MYH4: variants seen among roughly 807,000 people sequenced by gnomAD.
MYH4 encodes myosin heavy chain 4.
MYH4 carries 200 observed loss-of-function variants against 229.9 expected under a neutral mutation model. That is an observed-to-expected ratio of 0.87 (90% confidence interval 0.78 to 0.98). The LOEUF (loss-of-function observed/expected upper bound fraction) is 0.98, where lower values mean the gene tolerates loss of function less well. Ranked by LOEUF, MYH4 falls within the 50% of genes least tolerant of loss-of-function variation. The pLI, the probability that MYH4 is intolerant of heterozygous loss-of-function variation, is 0.00. For missense variants in MYH4, 2,148 were observed against 2,332.6 expected (o/e 0.92, Z 1.63); for synonymous variants, 761 against 834.6 (o/e 0.91, Z 1.52).
Position 10,450,506 on chromosome 17 carries a change from C to T in MYH4, c.4128G>A (p.Arg1376=), listed in dbSNP as rs757295488. The T allele has an allele frequency of 3.1e-6, 5 of 1,614,110 alleles. No homozygotes were observed. Among genetic ancestry groups the T allele is most frequent in the East Asian group, 4.5e-5 (2 of 44,888 alleles). Residue 1376 remains arginine (R), a synonymous_variant, in exon 30 of 40, where the codon AGG becomes AGA. Coordinates refer to ENST00000255381, the MANE Select transcript of MYH4 (RefSeq NM_017533.2). ...SKANSEVAQW[R]TKYETDAIQR... Reference sequence around the variant, plus strand: ...GGATGGCGTCCGTCTCGTACTTGGTCCTCCACTGGGCAACCTCACTGTTGG... The same window carrying T: ...GGATGGCGTCCGTCTCGTACTTGGTTCTCCACTGGGCAACCTCACTGTTGG...
Position 10,454,946 on chromosome 17 carries a change from C to T in MYH4, c.2430G>A (p.Glu810=). 1 of 1,614,162 alleles carries T rather than the reference C, an allele frequency of 6.2e-7. No individual in the cohort carries two copies. The highest frequency in any genetic ancestry group is 1.6e-4 in the Middle Eastern group (1 of 6,062). The part of the protein sequence containing the change: ...LMRVEFRKMM[E]RRESIFCIQY... ...ACTTGTGTGTGGGCTCTCACCTCCT[C>T]TCCATCATCTTTCTGAACTCCACTC... The change falls in exon 21 of 40, where the codon GAG becomes GAA. Residue 810 remains glutamate (E), a synonymous_variant. Transcript: ENST00000255381.
In MYH4 at chr17:10,450,592, G is replaced by A. The variant is rs532853249; in HGVS notation, c.4042C>T (p.Arg1348Trp). Reference protein sequence around the residue: ...QSARHDCDLLREQYEEEQEAK... With the variant: ...QSARHDCDLLWEQYEEEQEAK... ...TCCTGCTCCTCCTCATACTGTTCCC[G>A]CAGCAGGTCACAGTCATGGCGGGCT... The change falls in exon 30 of 40, where the codon CGG becomes TGG. Residue 1348 changes from arginine to tryptophan, a missense_variant. Physicochemically the swap from Arg to Trp is moderately radical, Grantham distance 101. Transcript: ENST00000255381. 30 of 1,614,066 alleles carry A rather than the reference G, an allele frequency of 1.9e-5. No homozygotes were observed. Among genetic ancestry groups the A allele is most frequent in the Admixed American group, 5.0e-5 (3 of 60,006 alleles).
At chr17:10,449,294 G>A (rs866610931) in intron 30 of MYH4, among the ~76,000 whole-genome samples, 2 of 152,218 alleles carry the variant, frequency 1.3e-5, no homozygotes, top group Non-Finnish European at 2.9e-5. Context: ...ATGAGAGAAA[G>A]AGAATATAAG....
rs2072695331 is a variant in MYH4 at position 10,460,948 on chromosome 17, C to T, written c.1115G>A (p.Arg372Lys). ...GCCATCTGGCTCTGCCTGCTCTTCC[C>T]TTTGCTTTTGCTTGAATTTCATGTT... Reference protein sequence around the residue: ...YGNMKFKQKQREEQAEPDGTE... With the variant: ...YGNMKFKQKQKEEQAEPDGTE... Residue 372 changes from arginine (R) to lysine (K), a missense_variant, in exon 12 of 40, where the codon AGG becomes AAG. Physicochemically the swap from Arg to Lys is conservative, Grantham distance 26. Transcript: ENST00000255381. 6.2e-7 allele frequency: 1 copy of T among 1,614,082 alleles called. No homozygotes were observed. The highest frequency in any genetic ancestry group is 1.7e-5 in the Admixed American group (1 of 60,006).
chr17:10,467,933 C>G (rs1042376468), intron 2 of MYH4, among the ~76,000 whole-genome samples: 10 of 152,206 alleles, frequency 6.6e-5, no homozygotes, highest in Non-Finnish European at 1.2e-4. Flanking sequence ...ATGGCGACAA[C>G]AGCAATAGCC....
intron 15 of MYH4, 44 bp downstream of exon 15, chr17:10,459,207 C>T: frequency 6.2e-7 from 1 of 1,613,828 alleles, no homozygotes; most frequent in Non-Finnish European, 8.5e-7. Flanking sequence ...GGGAGGCAAG[C>T]AATTTGGTTT....
In MYH4 at chr17:10,455,152, G is replaced by T. The variant is rs753857527; in HGVS notation, c.2298+20C>A. On this transcript the variant is annotated intron_variant, in intron 20 of 39. Coordinates refer to ENST00000255381, the MANE Select transcript of MYH4 (RefSeq NM_017533.2). ...AAAAGTGATAGAATTATGACAGATA[G>T]AAATTTGGACTGGTGATACCTTGGT... 2.5e-5 allele frequency: 41 copies of T among 1,614,078 alleles called. No individual in the cohort carries two copies. Among genetic ancestry groups the T allele is most frequent in the Non-Finnish European group, 3.1e-5 (37 of 1,179,964 alleles).
intron 5 of MYH4, among the ~76,000 whole-genome samples, chr17:10,465,201 T>G (rs757282734): frequency 6.6e-6 from 1 of 152,230 alleles, no homozygotes; most frequent in Non-Finnish European, 1.5e-5. Context: ...GATTTTAGCA[T>G]AGAAATCTAA....
intron 6 of MYH4, 42 bp from the exon 7 acceptor site, chr17:10,464,628 G>C (rs369647791): frequency 2.5e-6 from 4 of 1,613,072 alleles, no homozygotes; most frequent in African/African-American, 1.3e-5. Flanking sequence ...ATCTAAGGTA[G>C]TAGTAGCCAC....
chr17:10,451,293 C>G (rs2072569580), intron 28 of MYH4, 33 bp downstream of exon 28: 1 of 1,608,072 alleles, frequency 6.2e-7, no homozygotes, highest in Non-Finnish European at 8.5e-7. Flanking sequence ...CATTCGTCAC[C>G]TCTCCGAAGG....
At chr17:10,456,652 A>G (rs2072642230) in intron 16 of MYH4, 97 bp from the exon 17 acceptor site, 2 of 875,032 alleles carry the variant, frequency 2.3e-6, no homozygotes, top group Non-Finnish European at 3.8e-6. Flanking sequence ...TAGAATTTAA[A>G]TTTGCACTCA....
rs776459596 is a variant in MYH4, at chr17:10,450,552, A to C, written c.4082T>G (p.Leu1361Arg). The change falls in exon 30 of 40, where the codon CTG becomes CGG. Residue 1361 changes from leucine to arginine, a missense_variant. Coordinates refer to ENST00000255381, the MANE Select transcript of MYH4 (RefSeq NM_017533.2). ...YEEEQEAKAE[L>R]QRGMSKANSE... The stretch of plus-strand genomic sequence containing the variant: ...GTTGGCCTTGGACATTCCCCTCTGC[A>C]GCTCAGCCTTGGCTTCCTGCTCCTC... The C allele has an allele frequency of 3.7e-6, 6 of 1,614,144 alleles. No individual in the cohort carries two copies. Among genetic ancestry groups the C allele is most frequent in the Non-Finnish European group, 5.1e-6 (6 of 1,180,008 alleles).
At chr17:10,453,118 T>C in intron 24 of MYH4, 34 bp downstream of exon 24, 5 of 1,613,256 alleles carry the variant, frequency 3.1e-6, no homozygotes, top group South Asian at 1.1e-5. Context: ...GTTTATTTCA[T>C]TGCAAGGGGA....
chr17:10,462,384 T>C (rs2072712453), intron 11 of MYH4, among the ~76,000 whole-genome samples: 1 of 152,160 alleles, frequency 6.6e-6, no homozygotes, highest in African/African-American at 2.4e-5. Flanking sequence ...ACCCACTTCT[T>C]CTAATGCTGC....
intron 25 of MYH4, 61 bp downstream of exon 25, chr17:10,452,726 G>A (rs146955364): frequency 3.4e-5 from 52 of 1,509,994 alleles, no homozygotes; most frequent in Middle Eastern, 3.5e-4. Flanking sequence ...TCTTTTTAGC[G>A]TATGTTTCAT....
chr17:10,452,309 C>T lies in MYH4; in HGVS notation c.3370G>A (p.Glu1124Lys), dbSNP rs753811729. 6.1e-5 allele frequency: 99 copies of T among 1,614,046 alleles called. 1 individual carries two copies. The Admixed American group carries it at 1.5e-3, about 24-fold the overall frequency. The change falls in exon 27 of 40, where the codon GAG becomes AAG. Residue 1124 changes from glutamate (E) to lysine (K), a missense_variant. Coordinates refer to ENST00000255381, the MANE Select transcript of MYH4 (RefSeq NM_017533.2). ...ELQARIEELE[E>K]EIEAERASRA... ...GAGGCCCGCTCTGCCTCGATTTCCT[C>T]CTCCAGCTCCTCAATGCGGGCCTGG...
At position 10,450,529 on chromosome 17, in the gene MYH4, T is replaced by C. The variant is rs2072560851; in HGVS notation, c.4105A>G (p.Asn1369Asp). The C allele has an allele frequency of 6.2e-7, 1 of 1,614,036 alleles. No homozygotes were observed. The highest frequency in any genetic ancestry group is 1.3e-5 in the African/African-American group (1 of 74,948). The change falls in exon 30 of 40, where the codon AAC (asparagine) becomes GAC (aspartate). Residue 1369 changes from asparagine (N) to aspartate (D), a missense_variant. Asn to Asp is a conservative substitution (Grantham distance 23). Coordinates refer to ENST00000255381, the MANE Select transcript of MYH4 (RefSeq NM_017533.2). ...AELQRGMSKA[N>D]SEVAQWRTKY... ...GTCCTCCACTGGGCAACCTCACTGT[T>C]GGCCTTGGACATTCCCCTCTGCAGC... is the stretch of plus-strand genomic sequence containing the variant.
At chr17:10,454,903 A>G in intron 21 of MYH4, 38 bp downstream of exon 21, 2 of 1,611,828 alleles carry the variant, frequency 1.2e-6, no homozygotes, top group Non-Finnish European at 8.5e-7. Flanking sequence ...TTCATTTATG[A>G]AAGTGTGGAG....
Position 10,444,620 on chromosome 17 carries a change from C to T in MYH4, c.5651G>A (p.Arg1884Lys). ...GATACTCACAGCCTCTTCAGCTTGT[C>T]TCTTGTAAGCTTTGACTTTGGTTTG... ...KLQTKVKAYK[R>K]QAEEAEEQSN... The change falls in exon 39 of 40, where the codon AGA (arginine) becomes AAA (lysine). Residue 1884 changes from arginine to lysine, a missense_variant. Arg to Lys is a conservative substitution (Grantham distance 26). Coordinates refer to ENST00000255381, the MANE Select transcript of MYH4 (RefSeq NM_017533.2). 1.2e-6 allele frequency: 2 copies of T among 1,613,866 alleles called. No individual in the cohort carries two copies. Among genetic ancestry groups the T allele is most frequent in the Non-Finnish European group, 1.7e-6 (2 of 1,179,888 alleles).
Sources: allele counts gnomAD v4.1 joint callset (sites outside exome capture counted in the v4.1 genomes callset), GRCh38; gene constraint gnomAD v4.1.1; transcripts MANE v1.5; gene names NCBI Gene and HGNC (gene_info 2026-07-23, HGNC 2026-07-21).